The following NEBL variants were observed in gnomAD, a reference collection of about 807,000 sequenced individuals.
NEBL encodes nebulette, also known as LIM and SH3 protein 2.
In NEBL, 122 loss-of-function variants were observed where a neutral mutation model predicts 140.2. The ratio of observed to expected loss-of-function variants is 0.87; its 90% CI spans 0.75 to 1.01. The LOEUF is 1.01. Among genes scored for constraint, NEBL ranks in the 50% least tolerant of loss-of-function variants. The pLI, the probability that NEBL is intolerant of heterozygous loss-of-function variation, is 0.00. For synonymous variants in NEBL, 436 were observed against 398.9 expected (o/e 1.09, Z -1.11); for missense variants, 1,365 against 1,231.3 (o/e 1.11, Z -1.62).
In NEBL at chr10:20,850,384, A is replaced by G; in HGVS notation, c.1116+11T>C. The G allele has an allele frequency of 6.5e-7, 1 of 1,548,874 alleles. No individual in the cohort carries two copies. The highest frequency in any genetic ancestry group is 8.9e-7 in the Non-Finnish European group (1 of 1,120,742). On this transcript the variant is annotated intron_variant, in intron 11 of 27. Coordinates refer to ENST00000377122, the MANE Select transcript of NEBL (RefSeq NM_006393.3). ...TACATTAAACAATTAGTAACAAACT[A>G]ATTGACCTACTTCACTTTGCATCTT...
chr10:21,188,741 C>T (rs1043574292), intron 3 of NEBL, among the ~76,000 whole-genome samples: 1 of 151,994 alleles, frequency 6.6e-6, no homozygotes, highest in African/African-American at 2.4e-5. Context: ...CAGGCCCCCA[C>T]ACCACAGCAG....
chr10:21,172,281 A>G, intron 2 of NEBL: 1 of 910,764 alleles, frequency 1.1e-6, no homozygotes. Flanking sequence ...CCCCTGCCAC[A>G]CCTGGGTGAC....
chr10:21,193,579 A>G (rs1309596327), intron 3 of NEBL, among the ~76,000 whole-genome samples: 3 of 152,236 alleles, frequency 2.0e-5, no homozygotes, highest in Non-Finnish European at 4.4e-5. Flanking sequence ...GCCCTCCTCT[A>G]TAGAAATTCT....
rs189906071 is a variant in NEBL, at chr10:20,971,063, C to T, written c.250-9284G>A. 6.6e-3 allele frequency among the ~76,000 whole-genome samples: 1,012 copies of T among 152,234 alleles called. 11 individuals are homozygous for T. Among genetic ancestry groups the T allele is most frequent in the Non-Finnish European group, 5.2e-3 (352 of 68,020 alleles). On this transcript the variant is annotated intron_variant, in intron 3 of 6. Coordinates refer to the NEBL transcript ENST00000417816. ...GTAGTGCCACAAAAGAGACAAATAA[C>T]CTCCCAAGGTAAAGTTTAACACAAC...
intron 18 of NEBL, among the ~76,000 whole-genome samples, chr10:20,825,024 C>T (rs771182848): frequency 6.6e-6 from 1 of 152,202 alleles, no homozygotes; most frequent in Non-Finnish European, 1.5e-5. Context: ...CTCTCATCCA[C>T]ACCTTAAGCC....
intron 2 of NEBL, among the ~76,000 whole-genome samples, chr10:21,036,864 G>T (rs1834035904): frequency 6.6e-6 from 1 of 152,132 alleles, no homozygotes; most frequent in Non-Finnish European, 1.5e-5. Context: ...TCAGACACCA[G>T]GTAGGGGGAG....
chr10:20,925,088 A>G (rs143086012), intron 4 of NEBL, among the ~76,000 whole-genome samples: 165 of 152,286 alleles, frequency 1.1e-3, no homozygotes, highest in African/African-American at 3.9e-3. Flanking sequence ...CGGAAATAAA[A>G]TAATACCTCA....
intron 19 of NEBL, among the ~76,000 whole-genome samples, chr10:20,821,475 T>C (rs138644815): frequency 1.2e-4 from 18 of 152,284 alleles, no homozygotes; most frequent in African/African-American, 4.3e-4. Context: ...CATGCCCCTT[T>C]CTCTATGTCA....
intron 3 of NEBL, among the ~76,000 whole-genome samples, chr10:21,005,720 C>A (rs971207880): frequency 6.6e-6 from 1 of 151,868 alleles, no homozygotes; most frequent in Admixed American, 6.6e-5. Flanking sequence ...GGTGACAGAG[C>A]AAGTGTCTCA....
rs191955088 is a variant in NEBL at position 21,125,011 on chromosome 10, A to G, written c.164+47372T>C. Among the ~76,000 whole-genome samples the G allele has an allele frequency of 9.0e-4, 136 of 151,738 alleles. 1 individual carries two copies. The highest frequency in any genetic ancestry group is 3.2e-3 in the African/African-American group (133 of 41,554). ...CACAGCCTGCATCAGTCTCCACTGA[A>G]GTGCAGTGTTGAGAGGTGACGGGGC... On this transcript the variant is annotated intron_variant, in intron 2 of 6. Coordinates refer to the NEBL transcript ENST00000417816.
At chr10:20,815,206 T>G (rs1838604100) in intron 22 of NEBL, among the ~76,000 whole-genome samples, 1 of 152,234 alleles carries the variant, frequency 6.6e-6, no homozygotes, top group African/African-American at 2.4e-5. Context: ...TTCTTTTCTG[T>G]AAGTCTTTAG....
intron 3 of NEBL, among the ~76,000 whole-genome samples, chr10:20,993,323 T>A (rs1015260101): frequency 2.6e-5 from 4 of 152,168 alleles, no homozygotes; most frequent in Non-Finnish European, 5.9e-5. Context: ...GATTTACTGG[T>A]AAGGTGAGAA....
chr10:21,070,712 T>A (rs1835779192), intron 2 of NEBL, among the ~76,000 whole-genome samples: 1 of 152,196 alleles, frequency 6.6e-6, no homozygotes, highest in African/African-American at 2.4e-5. Flanking sequence ...ACACAATTAT[T>A]CATCTCCTTT....
At chr10:21,153,329 A>ATT (rs57789027) in intron 2 of NEBL, among the ~76,000 whole-genome samples, 1 of 150,922 alleles carries the variant, frequency 6.6e-6, no homozygotes, top group African/African-American at 2.4e-5. Context: ...TTATAAATTA[A>ATT]TTTTTTTTTA....
At chr10:21,203,390 G>A (rs1012100815) in intron 3 of NEBL, among the ~76,000 whole-genome samples, 14 of 152,232 alleles carry the variant, frequency 9.2e-5, no homozygotes, top group Non-Finnish European at 1.9e-4. Context: ...AAAAGACTGA[G>A]AAATTGCTTT....
At chr10:20,861,459 G>A (rs1395090723) in intron 7 of NEBL, among the ~76,000 whole-genome samples, 3 of 152,256 alleles carry the variant, frequency 2.0e-5, no homozygotes, top group South Asian at 2.1e-4. Context: ...GATTACAGGC[G>A]TGAGCCACCG....
Position 21,136,247 on chromosome 10 carries a change from T to C in NEBL, c.164+36136A>G, listed in dbSNP as rs114965393. Among the ~76,000 whole-genome samples, 1,419 of 152,280 alleles carry C rather than the reference T, an allele frequency of 9.3e-3. 20 individuals carry two copies. The highest frequency in any genetic ancestry group is 0.032 in the African/African-American group (1,341 of 41,554). ...CTTGCTGGATCCAATTCTCTAGTAA[T>C]ATATTTCCAAAATCTCCATTTTTAA... On this transcript the variant is annotated intron_variant, in intron 2 of 6. Transcript: ENST00000417816.
intron 3 of NEBL, among the ~76,000 whole-genome samples, chr10:21,191,180 ACCC>A (rs1370813942): frequency 6.6e-6 from 1 of 152,134 alleles, no homozygotes; most frequent in Non-Finnish European, 1.5e-5. Flanking sequence ...CTGGGATCTC[ACCC>A]CCAAGTACTC....
At chr10:21,009,939 G>A (rs1589132991) in intron 3 of NEBL, among the ~76,000 whole-genome samples, 1 of 152,154 alleles carries the variant, frequency 6.6e-6, no homozygotes, top group Non-Finnish European at 1.5e-5. Context: ...AAGGGCTACC[G>A]CAGGCTGCTG....
Sources: allele counts gnomAD v4.1 joint callset (sites outside exome capture counted in the v4.1 genomes callset), GRCh38; gene constraint gnomAD v4.1.1; transcripts MANE v1.5; gene names NCBI Gene and HGNC (gene_info 2026-07-23, HGNC 2026-07-21).